Variants in ARHGEF10 observed in about 807,000 individuals in gnomAD.
ARHGEF10 encodes the protein Rho guanine nucleotide exchange factor 10, also known as Rho guanine nucleotide exchange factor (GEF) 10.
A neutral mutation model predicts 147.4 loss-of-function variants in ARHGEF10; 140 were observed. The observed-to-expected ratio is 0.95, with a 90% CI of 0.83 to 1.09. The LOEUF is 1.09. Ranked by LOEUF, ARHGEF10 falls within the 50% of genes least tolerant of loss-of-function variation. The pLI, the probability that ARHGEF10 is intolerant of heterozygous loss-of-function variation, is 0.00. For synonymous variants in ARHGEF10, 902 were observed against 695.8 expected (o/e 1.30, Z -4.67); for missense variants, 2,222 against 1,752.7 (o/e 1.27, Z -4.78).
intron 18 of ARHGEF10, among the ~76,000 whole-genome samples, 170 bp downstream of exon 18, chr8:1,909,640 G>T (rs1315555265): frequency 6.6e-6 from 1 of 152,200 alleles, no homozygotes; most frequent in Non-Finnish European, 1.5e-5. Context: ...GACTAACATG[G>T]CCAAGTCGGC....
intron 1 of ARHGEF10, among the ~76,000 whole-genome samples, chr8:1,841,810 G>GGCCGCGACGGGAACTGA (rs1804055740): frequency 9.3e-6 from 1 of 107,496 alleles, no homozygotes; most frequent in African/African-American, 3.2e-5. Context: ...CTAGGAACTG[G>GGCCGCGACGGGAACTGA]GGCCGCGGCG....
chr8:1,943,922 T>A (rs1158617645), intron 26 of ARHGEF10: 1 of 152,168 alleles, frequency 6.6e-6, no homozygotes, highest in Non-Finnish European at 1.5e-5. Flanking sequence ...GGCTCTCACT[T>A]CACATCAGGG....
chr8:1,849,959 T>C (rs1188779012), intron 2 of ARHGEF10, among the ~76,000 whole-genome samples: 14 of 122,666 alleles, frequency 1.1e-4, no homozygotes, highest in African/African-American at 4.6e-4. Context: ...GGGCAAATGC[T>C]GAGGAGGGCG....
intron 1 of ARHGEF10, among the ~76,000 whole-genome samples, chr8:1,836,026 A>C (rs914577274): frequency 1.3e-5 from 2 of 151,936 alleles, no homozygotes; most frequent in Admixed American, 1.3e-4. Context: ...TTAAAAATAC[A>C]AAAAATTAGC....
At chr8:1,903,218 C>G in intron 15 of ARHGEF10, 63 bp from the exon 16 acceptor site, 4 of 1,592,108 alleles carry the variant, frequency 2.5e-6, no homozygotes, top group Non-Finnish European at 8.6e-7. Flanking sequence ...GCGGGTGACG[C>G]GACTGTTGTT....
chr8:1,865,497 G>T (rs1329219141), intron 5 of ARHGEF10, among the ~76,000 whole-genome samples: 2 of 152,026 alleles, frequency 1.3e-5, no homozygotes, highest in Non-Finnish European at 2.9e-5. Flanking sequence ...CAGGACACGG[G>T]GCATCCCCCA....
Position 1,904,695 on chromosome 8 carries a change from C to T in ARHGEF10, c.1822-876C>T, listed in dbSNP as rs181302796. Among the ~76,000 whole-genome samples the T allele has an allele frequency of 1.8e-3, 269 of 152,270 alleles. 1 individual carries two copies. The highest frequency in any genetic ancestry group is 6.3e-3 in the African/African-American group (263 of 41,560). On this transcript the variant is annotated intron_variant, in intron 16 of 28. Transcript: ENST00000349830. ...ACCCACATGCCTCATCGTTCCCGTGCACTTGGCAGGGACATTCAGGGAGGC... is the reference window on the plus strand; with the variant it reads ...ACCCACATGCCTCATCGTTCCCGTGTACTTGGCAGGGACATTCAGGGAGGC...
intron 2 of ARHGEF10, among the ~76,000 whole-genome samples, chr8:1,844,617 G>A (rs1392614259): frequency 6.6e-6 from 1 of 152,132 alleles, no homozygotes; most frequent in Admixed American, 6.5e-5. Flanking sequence ...TACGGGACCC[G>A]GTACCGGAAA....
intron 26 of ARHGEF10, among the ~76,000 whole-genome samples, chr8:1,934,202 C>T (rs1479797869): frequency 1.3e-5 from 2 of 151,890 alleles, no homozygotes; most frequent in African/African-American, 2.4e-5. Context: ...GCAGTGCGCA[C>T]CTGTAGTGGA....
At chr8:1,832,965 T>TAG (rs1803295449) in intron 1 of ARHGEF10, among the ~76,000 whole-genome samples, 1 of 7,918 alleles carries the variant, frequency 1.3e-4, no homozygotes, top group Non-Finnish European at 2.7e-4. Flanking sequence ...CAGAGGCAGA[T>TAG]ACAGAGGCAG....
In ARHGEF10 at chr8:1,876,633, G is replaced by A. The variant is rs762225277; in HGVS notation, c.742G>A (p.Gly248Arg). The change falls in exon 8 of 29, where the codon GGA becomes AGA. Residue 248 changes from glycine (G) to arginine (R), a missense_variant. Transcript: ENST00000349830. ...AGGTGGAAACAGCTCCTTGGAATAC[G>A]GATGGAGTTCGAGTGAATTTGAAAG... Reference protein sequence around the residue: ...DEGGNSSLEYGWSSSEFESYE... With the variant: ...DEGGNSSLEYRWSSSEFESYE... 1.2e-5 allele frequency: 19 copies of A among 1,614,194 alleles called. No individual in the cohort carries two copies. The highest frequency in any genetic ancestry group is 1.6e-5 in the Non-Finnish European group (19 of 1,180,016).
intron 2 of ARHGEF10, among the ~76,000 whole-genome samples, chr8:1,853,516 TCTC>T (rs1380806532): frequency 1.3e-5 from 2 of 152,246 alleles, no homozygotes; most frequent in African/African-American, 2.4e-5. Flanking sequence ...TCATCAGTGT[TCTC>T]CTTCAGCTGA....
chr8:1,894,811 T>C (rs1044611929), intron 13 of ARHGEF10, among the ~76,000 whole-genome samples: 12 of 152,364 alleles, frequency 7.9e-5, no homozygotes, highest in African/African-American at 2.6e-4. Context: ...AGAAGCTGTA[T>C]CTGAGGACAT....
chr8:1,858,281 C>T (rs1805772848), intron 3 of ARHGEF10, among the ~76,000 whole-genome samples, 166 bp downstream of exon 3: 1 of 151,832 alleles, frequency 6.6e-6, no homozygotes, highest in African/African-American at 2.4e-5. Flanking sequence ...GGTGAGTCCG[C>T]AGATCACCGG....
chr8:1,914,096 AGGAG>A (rs1471142026), intron 18 of ARHGEF10, among the ~76,000 whole-genome samples: 1 of 152,214 alleles, frequency 6.6e-6, no homozygotes, highest in East Asian at 1.9e-4. Context: ...ACCAGCACCA[AGGAG>A]GGAGGAAGGC....
Position 1,923,766 on chromosome 8 carries a change from T to A in ARHGEF10, c.2388-8T>A. ...ATAAAATGAATGCTTGTCTGTTGTTTCTGGCAGATCTGGGCGACCGACGTT... is the reference window on the plus strand; with the variant it reads ...ATAAAATGAATGCTTGTCTGTTGTTACTGGCAGATCTGGGCGACCGACGTT... On this transcript the variant is annotated splice_region_variant and splice_polypyrimidine_tract_variant and intron_variant, in intron 20 of 28. Transcript: ENST00000349830. The A allele has an allele frequency of 6.2e-7, 1 of 1,614,226 alleles. No individual in the cohort carries two copies. The highest frequency in any genetic ancestry group is 8.5e-7 in the Non-Finnish European group (1 of 1,180,030).
At chr8:1,857,889 T>TCTATCTAA in intron 2 of ARHGEF10, 71 bp from the exon 3 acceptor site, 1 of 1,038,068 alleles carries the variant, frequency 9.6e-7, no homozygotes, top group East Asian at 2.5e-5. Context: ...GATCTATCTA[T>TCTATCTAA]CTATCTATCT....
intron 28 of ARHGEF10, among the ~76,000 whole-genome samples, chr8:1,955,449 GT>G (rs1815467867): frequency 4.8e-5 from 7 of 146,732 alleles, no homozygotes; most frequent in Admixed American, 1.4e-4. Context: ...CACTCTCACT[GT>G]TTCTCTGGAT....
intron 17 of ARHGEF10, among the ~76,000 whole-genome samples, chr8:1,908,648 G>C (rs528541752): frequency 6.6e-6 from 1 of 152,222 alleles, no homozygotes; most frequent in Non-Finnish European, 1.5e-5. Flanking sequence ...GGATGCTGGC[G>C]ATGTCACAGC....
Sources: gnomAD v4.1 joint callset for allele counts (sites outside exome capture counted in the v4.1 genomes callset) on GRCh38, gnomAD v4.1.1 for gene constraint, MANE v1.5 for transcripts, NCBI Gene and HGNC (gene_info 2026-07-23, HGNC 2026-07-21) for gene names.